The following ASAP1 variants were observed in gnomAD, a reference collection of about 807,000 sequenced individuals.
The protein encoded by ASAP1 is arf-GAP with SH3 domain, ANK repeat and PH domain-containing protein 1.
A neutral mutation model predicts 145.2 loss-of-function variants in ASAP1; 43 were observed. That is an observed-to-expected ratio of 0.30 (90% CI 0.23 to 0.38). The LOEUF is 0.38. Ranked by LOEUF, ASAP1 falls within the 10% of genes least tolerant of loss-of-function variation. The pLI, the probability that ASAP1 is intolerant of heterozygous loss-of-function variation, is 1.00. For synonymous variants in ASAP1, 546 were observed against 515.5 expected (o/e 1.06, Z -0.80); for missense variants, 1,018 against 1,355.3 (o/e 0.75, Z 3.91).
At chr8:130,304,464 T>G (rs1822871039) in intron 3 of ASAP1, among the ~76,000 whole-genome samples, 1 of 152,168 alleles carries the variant, frequency 6.6e-6, no homozygotes, top group South Asian at 2.1e-4. Context: ...AAAAACAGTT[T>G]TAACCTATGA....
chr8:130,308,679 T>C (rs1468143417), intron 3 of ASAP1, among the ~76,000 whole-genome samples: 1 of 152,198 alleles, frequency 6.6e-6, no homozygotes, highest in Non-Finnish European at 1.5e-5. Flanking sequence ...ATCTATATTT[T>C]TGACAGACAT....
intron 3 of ASAP1, among the ~76,000 whole-genome samples, chr8:130,331,744 ACAAG>A (rs1268627711): frequency 2.0e-5 from 3 of 152,196 alleles, no homozygotes; most frequent in African/African-American, 4.8e-5. Flanking sequence ...CATTAAAAAT[ACAAG>A]CAAAGCATTT....
At chr8:130,134,472 C>A (rs906186202) in intron 14 of ASAP1, 128 bp from the exon 15 acceptor site, 1 of 503,330 alleles carries the variant, frequency 2.0e-6, no homozygotes, top group African/African-American at 2.0e-5. Context: ...TAGTTTTACG[C>A]CATTATGTGC....
intron 5 of ASAP1, among the ~76,000 whole-genome samples, chr8:130,198,341 T>C (rs1815647217): frequency 1.3e-5 from 2 of 152,202 alleles, no homozygotes; most frequent in African/African-American, 4.8e-5. Context: ...AATCATAAGA[T>C]TCTTTACACT....
intron 14 of ASAP1, among the ~76,000 whole-genome samples, chr8:130,136,487 A>G (rs990285156): frequency 4.6e-5 from 7 of 152,012 alleles, no homozygotes; most frequent in Non-Finnish European, 1.0e-4. Flanking sequence ...GTACAGATAT[A>G]GTGGCACATC....
intron 3 of ASAP1, among the ~76,000 whole-genome samples, chr8:130,301,504 G>A (rs781222297): frequency 1.3e-5 from 2 of 152,176 alleles, no homozygotes; most frequent in Non-Finnish European, 2.9e-5. Flanking sequence ...TCCATATATA[G>A]TGGTTGAATG....
chr8:130,313,674 T>A (rs1823494043), intron 3 of ASAP1, among the ~76,000 whole-genome samples: 1 of 152,088 alleles, frequency 6.6e-6, no homozygotes, highest in Admixed American at 6.5e-5. Context: ...AAAATAAAAT[T>A]AAATTAACTT....
At chr8:130,231,454 T>C (rs191830828) in intron 4 of ASAP1, among the ~76,000 whole-genome samples, 186 of 152,312 alleles carry the variant, frequency 1.2e-3, no homozygotes, top group Non-Finnish European at 2.5e-3. Flanking sequence ...AACAATGTTA[T>C]AGATTCTAAG....
intron 16 of ASAP1, 130 bp from the exon 17 acceptor site, chr8:130,126,219 G>A (rs2097574731): frequency 2.3e-6 from 2 of 872,218 alleles, no homozygotes; most frequent in African/African-American, 1.7e-5. Flanking sequence ...TGGAAGAAAT[G>A]GACTCTTGAG....
At chr8:130,099,593 G>A (rs1217265534) in intron 24 of ASAP1, among the ~76,000 whole-genome samples, 1 of 151,312 alleles carries the variant, frequency 6.6e-6, no homozygotes, top group Non-Finnish European at 1.5e-5. Context: ...AGAACATGCA[G>A]TATTTATCTT....
intron 3 of ASAP1, among the ~76,000 whole-genome samples, chr8:130,317,915 A>C (rs375428366): frequency 1.3e-5 from 2 of 152,302 alleles, no homozygotes; most frequent in African/African-American, 4.8e-5. Flanking sequence ...AGAGCTGAGG[A>C]AGGGCTGGTG....
intron 3 of ASAP1, among the ~76,000 whole-genome samples, chr8:130,245,578 C>A (rs940095538): frequency 1.3e-5 from 2 of 152,190 alleles, no homozygotes; most frequent in African/African-American, 4.8e-5. Flanking sequence ...CTATCAACTT[C>A]CCAAGCCAAA....
intron 13 of ASAP1, among the ~76,000 whole-genome samples, chr8:130,142,316 T>C (rs1480766873): frequency 6.6e-6 from 1 of 152,204 alleles, no homozygotes; most frequent in Non-Finnish European, 1.5e-5. Context: ...TCCTCCTGAT[T>C]ACAGTAAGGG....
chr8:130,225,056 CCTAT>C (rs1565108674), intron 4 of ASAP1, among the ~76,000 whole-genome samples: 1 of 152,156 alleles, frequency 6.6e-6, no homozygotes, highest in Non-Finnish European at 1.5e-5. Context: ...CTATAGTAAG[CCTAT>C]CTTTTTGCAT....
chr8:130,089,507 G>A (rs2097501061), intron 25 of ASAP1, among the ~76,000 whole-genome samples: 1 of 152,210 alleles, frequency 6.6e-6, no homozygotes, highest in Admixed American at 6.5e-5. Context: ...TTGGAAAGGT[G>A]CGTCCACAGA....
intron 13 of ASAP1, among the ~76,000 whole-genome samples, chr8:130,150,842 TG>T (rs1177995601): frequency 7.2e-5 from 11 of 152,298 alleles, no homozygotes; most frequent in African/African-American, 2.6e-4. Flanking sequence ...ATCGTGCTAC[TG>T]CATTCCAGCC....
chr8:130,260,924 C>G (rs964902081), intron 3 of ASAP1, among the ~76,000 whole-genome samples: 2 of 152,178 alleles, frequency 1.3e-5, no homozygotes, highest in Non-Finnish European at 1.5e-5. Context: ...TTTTCCCCCC[C>G]TCAAGATAAA....
At chr8:130,333,930 T>A (rs1824864137) in intron 3 of ASAP1, among the ~76,000 whole-genome samples, 1 of 152,114 alleles carries the variant, frequency 6.6e-6, no homozygotes, top group South Asian at 2.1e-4. Flanking sequence ...TGGGCCACAG[T>A]GTGCACAGAG....
intron 2 of ASAP1, 110 bp downstream of exon 2, chr8:130,401,775 A>C: frequency 2.0e-6 from 2 of 985,798 alleles, no homozygotes; most frequent in Non-Finnish European, 3.1e-6. Flanking sequence ...AGTCTCTGTT[A>C]GATTCCAGTG....
Sources: gnomAD v4.1 joint callset for allele counts (sites outside exome capture counted in the v4.1 genomes callset) on GRCh38, gnomAD v4.1.1 for gene constraint, MANE v1.5 for transcripts, NCBI Gene and HGNC (gene_info 2026-07-23, HGNC 2026-07-21) for gene names.